The following ENTREP2 variants were observed in gnomAD, a reference collection of about 807,000 sequenced individuals.
ENTREP2 encodes the protein protein ENTREP2.
chr15:29,138,483 G>A, the ENTREP2 span, among the ~76,000 whole-genome samples: 4 of 152,312 alleles, frequency 2.6e-5, no homozygotes, highest in South Asian at 2.1e-4. Context: ...CCCTCCTGGC[G>A]CAGGGCAGGT....
chr15:29,502,115 A>G, the ENTREP2 span, among the ~76,000 whole-genome samples: 4 of 151,960 alleles, frequency 2.6e-5, no homozygotes, highest in Admixed American at 1.3e-4. Flanking sequence ...GCAAGGATCA[A>G]CAAACTAATC....
At chr15:29,415,490 G>A in the ENTREP2 span, among the ~76,000 whole-genome samples, 1 of 152,056 alleles carries the variant, frequency 6.6e-6, no homozygotes, top group Admixed American at 6.5e-5. Flanking sequence ...GGTATTGATG[G>A]GATGTATCTC....
chr15:29,576,582 G>A, the ENTREP2 span, among the ~76,000 whole-genome samples: 1 of 152,204 alleles, frequency 6.6e-6, no homozygotes, highest in Non-Finnish European at 1.5e-5. Context: ...ATCTTGACCA[G>A]AGATATATGC....
the ENTREP2 span, among the ~76,000 whole-genome samples, chr15:29,624,871 TTGTGTGTGTGTGTGTG>T: frequency 4.2e-5 from 6 of 143,624 alleles, no homozygotes; most frequent in Admixed American, 7.1e-5. Context: ...CTGCATTAAT[TTGTGTGTGTGTGTGTG>T]TGTGTGTGTG....
the ENTREP2 span, among the ~76,000 whole-genome samples, chr15:29,385,130 C>T: frequency 6.6e-6 from 1 of 152,162 alleles, no homozygotes; most frequent in Non-Finnish European, 1.5e-5. Context: ...GATTGAACGC[C>T]TTGACCTCTT....
chr15:29,328,563 T>G, the ENTREP2 span, among the ~76,000 whole-genome samples: 1 of 151,968 alleles, frequency 6.6e-6, no homozygotes. Flanking sequence ...AATCATGGAG[T>G]CTGTAATACT....
At chr15:29,651,993 G>A in the ENTREP2 span, among the ~76,000 whole-genome samples, 1 of 152,180 alleles carries the variant, frequency 6.6e-6, no homozygotes, top group Non-Finnish European at 1.5e-5. Context: ...GTGGATTGGA[G>A]GGGGAACTCA....
the ENTREP2 span, among the ~76,000 whole-genome samples, chr15:29,345,866 G>T: frequency 6.6e-6 from 1 of 152,162 alleles, no homozygotes; most frequent in Non-Finnish European, 1.5e-5. Context: ...TCAAAAGCAC[G>T]TCCCCGTGAG....
At chr15:29,207,582 A>C in the ENTREP2 span, among the ~76,000 whole-genome samples, 1 of 151,892 alleles carries the variant, frequency 6.6e-6, no homozygotes, top group African/African-American at 2.4e-5. Context: ...TGATTGGTGC[A>C]TTTTACAGAG....
chr15:29,609,551 A>C, the ENTREP2 span: 1 of 149,898 alleles, frequency 6.7e-6, no homozygotes, highest in African/African-American at 2.4e-5. Flanking sequence ...TGACTGATCA[A>C]GAAGGCCCTC....
the ENTREP2 span, among the ~76,000 whole-genome samples, chr15:29,377,382 C>G: frequency 2.0e-5 from 3 of 151,832 alleles, no homozygotes; most frequent in Admixed American, 6.6e-5. Context: ...CCCACGGCAT[C>G]TGTGTGTGTG....
chr15:29,640,576 T>C, the ENTREP2 span, among the ~76,000 whole-genome samples: 2 of 151,986 alleles, frequency 1.3e-5, no homozygotes, highest in African/African-American at 2.4e-5. Context: ...GGTGGAAAGA[T>C]TGCTTGAGCC....
chr15:29,619,656 G>A, the ENTREP2 span, among the ~76,000 whole-genome samples: 2 of 151,964 alleles, frequency 1.3e-5, no homozygotes, highest in African/African-American at 2.4e-5. Context: ...GTGGACAAAT[G>A]GAACTCTGAC....
chr15:29,169,946 G>A, the ENTREP2 span, among the ~76,000 whole-genome samples: 8 of 152,164 alleles, frequency 5.3e-5, no homozygotes, highest in Non-Finnish European at 8.8e-5. Context: ...TATTCATACA[G>A]AAAACTCAAT....
At chr15:29,532,544 G>A in the ENTREP2 span, among the ~76,000 whole-genome samples, 1 of 152,284 alleles carries the variant, frequency 6.6e-6, no homozygotes, top group Non-Finnish European at 1.5e-5. Context: ...AAGAGAAGCT[G>A]CAACTCAGAC....
chr15:29,632,778 A>T, the ENTREP2 span, among the ~76,000 whole-genome samples: 1 of 152,188 alleles, frequency 6.6e-6, no homozygotes, highest in South Asian at 2.1e-4. Flanking sequence ...TCCCAAGAGC[A>T]AGCCGCAAAG....
chr15:29,649,057 T>TGTACAC, the ENTREP2 span, among the ~76,000 whole-genome samples: 2 of 144,882 alleles, frequency 1.4e-5, no homozygotes, highest in African/African-American at 5.1e-5. Context: ...GGGACACATG[T>TGTACAC]ACACACACAC....
At chr15:29,218,330 G>C in the ENTREP2 span, among the ~76,000 whole-genome samples, 2 of 152,128 alleles carry the variant, frequency 1.3e-5, no homozygotes, top group Non-Finnish European at 2.9e-5. Flanking sequence ...TATGCCCTTT[G>C]TCTTCATACC....
the ENTREP2 span, among the ~76,000 whole-genome samples, chr15:29,494,682 C>CT: frequency 1.3e-4 from 20 of 152,230 alleles, no homozygotes; most frequent in African/African-American, 4.8e-4. Context: ...GGCCCAGCCC[C>CT]TGCAACCATC....
Sources: allele counts gnomAD v4.1 joint callset (sites outside exome capture counted in the v4.1 genomes callset), GRCh38; gene constraint gnomAD v4.1.1; transcripts MANE v1.5; gene names NCBI Gene and HGNC (gene_info 2026-07-23, HGNC 2026-07-21).